The following OSBPL10 variants were observed in gnomAD, a reference collection of about 807,000 sequenced individuals.
OSBPL10 encodes oxysterol-binding protein-related protein 10.
A neutral mutation model predicts 81.7 loss-of-function variants in OSBPL10; 49 were observed. That is an observed-to-expected ratio of 0.60 (90% confidence interval 0.48 to 0.76). The LOEUF is 0.76. Ranked by LOEUF, OSBPL10 falls within the 30% of genes least tolerant of loss-of-function variation. The pLI is 0.00. For synonymous variants in OSBPL10, 419 were observed against 383.6 expected (o/e 1.09, Z -1.08); for missense variants, 923 against 987.8 (o/e 0.93, Z 0.88).
chr3:31,952,929 CT>C (rs57873437), intron 1 of OSBPL10, among the ~76,000 whole-genome samples: 21,213 of 116,382 alleles, frequency 0.18, 1,574 homozygotes, highest in African/African-American at 0.37. Flanking sequence ...AATCTTCCTA[CT>C]TTTTTTTTTT....
At chr3:31,713,829 T>C (rs1042286689) in intron 6 of OSBPL10, 7 of 152,310 alleles carry the variant, frequency 4.6e-5, no homozygotes, top group African/African-American at 1.7e-4. Flanking sequence ...CACTGATCAC[T>C]CTCAACTATA....
At chr3:31,663,680 G>C in intron 11 of OSBPL10, 1 of 1,088,352 alleles carries the variant, frequency 9.2e-7, no homozygotes, top group Non-Finnish European at 1.1e-6. Context: ...GCCCACCCAG[G>C]TGTTGAGATG....
At chr3:31,694,792 T>C (rs1695665480) in intron 7 of OSBPL10, among the ~76,000 whole-genome samples, 6 of 152,228 alleles carry the variant, frequency 3.9e-5, no homozygotes, top group Non-Finnish European at 2.9e-5. Flanking sequence ...TTCACTCTTG[T>C]TGCCCAGACT....
At chr3:31,797,896 C>G (rs1486021635) in intron 4 of OSBPL10, 1 of 434,658 alleles carries the variant, frequency 2.3e-6, no homozygotes, top group African/African-American at 2.0e-5. Context: ...ATGGTTCTTT[C>G]TAGCACTCTC....
intron 1 of OSBPL10, among the ~76,000 whole-genome samples, chr3:31,945,674 T>G (rs757980654): frequency 2.0e-5 from 3 of 152,174 alleles, no homozygotes; most frequent in Non-Finnish European, 4.4e-5. Context: ...CAGGTCTCCA[T>G]GCTCCCACCT....
chr3:31,922,389 C>T lies in OSBPL10; in HGVS notation c.282-42559G>A, dbSNP rs191244243. Among the ~76,000 whole-genome samples the T allele has an allele frequency of 4.6e-5, 7 of 152,204 alleles. No individual in the cohort carries two copies. In the East Asian group the frequency reaches 1.2e-3, roughly 25 times the overall value. On this transcript the variant is annotated intron_variant, in intron 1 of 11. Transcript: ENST00000396556. Reference sequence around the variant, plus strand: ...ATCCCAGCACTTTGGGAGGCCATGGCGGGCAGATCACCTGAGGTCAGGAGT... The same window carrying T: ...ATCCCAGCACTTTGGGAGGCCATGGTGGGCAGATCACCTGAGGTCAGGAGT...
intron 1 of OSBPL10, among the ~76,000 whole-genome samples, chr3:31,965,180 T>G (rs1698282787): frequency 6.6e-6 from 1 of 151,160 alleles, no homozygotes; most frequent in Non-Finnish European, 1.5e-5. Flanking sequence ...CCATCCTGGC[T>G]AACATGGTGA....
At chr3:31,973,554 A>C (rs778721447) in intron 1 of OSBPL10, among the ~76,000 whole-genome samples, 2 of 152,184 alleles carry the variant, frequency 1.3e-5, no homozygotes, top group Admixed American at 6.5e-5. Context: ...TAACTTGCCC[A>C]AGGTCATTTG....
At chr3:32,028,928 ACACACACACACACACACACACACAC>A (rs1699441516) in intron 2 of OSBPL10, among the ~76,000 whole-genome samples, 29 of 97,722 alleles carry the variant, frequency 3.0e-4, no homozygotes, top group Admixed American at 6.8e-4. Context: ...GCTAGTCAGG[ACACACACACACACACACACACACAC>A]ACACACACAC....
intron 8 of OSBPL10, among the ~76,000 whole-genome samples, chr3:31,679,218 A>G (rs1179880149): frequency 6.6e-6 from 1 of 152,096 alleles, no homozygotes; most frequent in Non-Finnish European, 1.5e-5. Flanking sequence ...CAGCTGCTCT[A>G]TCTTGCTGAG....
chr3:31,744,904 C>CG, intron 5 of OSBPL10, among the ~76,000 whole-genome samples: 1 of 152,080 alleles, frequency 6.6e-6, no homozygotes, highest in South Asian at 2.1e-4. Flanking sequence ...ATTCTCGGAA[C>CG]GAGCCTATTA....
intron 4 of OSBPL10, among the ~76,000 whole-genome samples, chr3:31,755,643 G>A (rs1697863914): frequency 6.6e-6 from 1 of 152,198 alleles, no homozygotes; most frequent in East Asian, 1.9e-4. Context: ...TCAACAATTT[G>A]ACACTTTATC....
intron 7 of OSBPL10, among the ~76,000 whole-genome samples, chr3:31,693,779 T>A (rs1165278607): frequency 2.0e-5 from 3 of 152,178 alleles, no homozygotes; most frequent in East Asian, 1.9e-4. Context: ...TTAAATAAAA[T>A]TTTTTTAAGA....
rs571099217 is a variant in OSBPL10 at position 31,758,751 on chromosome 3, T to C, written c.730-10631A>G. Among the ~76,000 whole-genome samples, 60 of 152,364 alleles carry C rather than the reference T, an allele frequency of 3.9e-4. No individual in the cohort carries two copies. The South Asian group carries it at 6.4e-3, about 16-fold the overall frequency. On this transcript the variant is annotated intron_variant, in intron 4 of 11. Coordinates refer to ENST00000396556, the MANE Select transcript of OSBPL10 (RefSeq NM_017784.5). ...TGAACATGGATCTCATGGAGCAGCA[T>C]GAAGCTCAATTGCATGTGTACATAT...
intron 9 of OSBPL10, among the ~76,000 whole-genome samples, chr3:31,670,319 T>A (rs1243333293): frequency 6.6e-6 from 1 of 152,240 alleles, no homozygotes; most frequent in Non-Finnish European, 1.5e-5. Flanking sequence ...TTGTGCTTCC[T>A]CAAAGAGCAG....
chr3:32,002,965 TTTAA>T (rs1301741445), intron 2 of OSBPL10, among the ~76,000 whole-genome samples: 1 of 151,844 alleles, frequency 6.6e-6, no homozygotes, highest in Non-Finnish European at 1.5e-5. Context: ...ATGATGAGGG[TTTAA>T]TTTAGACTTC....
chr3:31,908,520 G>C (rs1696482272), intron 1 of OSBPL10, among the ~76,000 whole-genome samples: 1 of 152,166 alleles, frequency 6.6e-6, no homozygotes, highest in South Asian at 2.1e-4. Context: ...AGCTGATCTA[G>C]AGGCAAGATG....
intron 1 of OSBPL10, among the ~76,000 whole-genome samples, chr3:32,048,385 G>A (rs13321872): frequency 0.043 from 6,464 of 149,398 alleles, 396 homozygotes; most frequent in African/African-American, 0.13. Flanking sequence ...TCCGCTCACT[G>A]CAACATCTGC....
At chr3:32,039,578 G>A (rs1699551689) in intron 2 of OSBPL10, among the ~76,000 whole-genome samples, 1 of 151,812 alleles carries the variant, frequency 6.6e-6, no homozygotes, top group African/African-American at 2.4e-5. Context: ...AGAATCGCTT[G>A]AACCTGGGAG....
Sources: gnomAD v4.1 joint callset for allele counts (sites outside exome capture counted in the v4.1 genomes callset) on GRCh38, gnomAD v4.1.1 for gene constraint, MANE v1.5 for transcripts, NCBI Gene and HGNC (gene_info 2026-07-23, HGNC 2026-07-21) for gene names.